The following SRBD1 variants were observed in gnomAD, a reference collection of about 807,000 sequenced individuals.
The protein encoded by SRBD1 is S1 RNA binding domain 1.
SRBD1 carries 88 observed loss-of-function variants against 115.3 expected under a neutral mutation model. The observed-to-expected ratio is 0.76, with a 90% CI of 0.64 to 0.91. The LOEUF is 0.91. Among genes scored for constraint, SRBD1 ranks in the 40% least tolerant of loss-of-function variants. SRBD1 has a pLI of 0.00. For synonymous variants in SRBD1, 509 were observed against 407.7 expected (o/e 1.25, Z -2.99); for missense variants, 1,385 against 1,177.4 (o/e 1.18, Z -2.58).
At chr2:45,554,511 G>T (rs758707461) in intron 10 of SRBD1, among the ~76,000 whole-genome samples, 3 of 152,102 alleles carry the variant, frequency 2.0e-5, no homozygotes, top group Non-Finnish European at 4.4e-5. Context: ...CCATTTCTGA[G>T]AACTTACTCT....
chr2:45,572,321 TAG>T (rs1558486907), intron 9 of SRBD1, among the ~76,000 whole-genome samples: 1 of 152,146 alleles, frequency 6.6e-6, no homozygotes, highest in Non-Finnish European at 1.5e-5. Flanking sequence ...TTAATGGGCA[TAG>T]AGTTTCAGTT....
At chr2:45,474,786 T>C (rs1669756080) in intron 16 of SRBD1, among the ~76,000 whole-genome samples, 1 of 152,214 alleles carries the variant, frequency 6.6e-6, no homozygotes, top group Admixed American at 6.5e-5. Flanking sequence ...TCCTGAGATT[T>C]CCATCCACTA....
At chr2:45,428,302 G>A (rs1668219641) in intron 16 of SRBD1, among the ~76,000 whole-genome samples, 1 of 152,168 alleles carries the variant, frequency 6.6e-6, no homozygotes, top group African/African-American at 2.4e-5. Context: ...TGTAATCCCA[G>A]CACTTTGGGA....
chr2:45,531,840 C>T (rs1458285287), intron 14 of SRBD1, among the ~76,000 whole-genome samples: 1 of 151,812 alleles, frequency 6.6e-6, no homozygotes, highest in Non-Finnish European at 1.5e-5. Context: ...TCCCACTTTA[C>T]AGCTTCTTCT....
intron 9 of SRBD1, among the ~76,000 whole-genome samples, chr2:45,565,658 A>T (rs535303248): frequency 6.6e-6 from 1 of 152,384 alleles, no homozygotes; most frequent in East Asian, 1.9e-4. Flanking sequence ...CTCAAAGAAT[A>T]GTATCAAGAA....
intron 14 of SRBD1, among the ~76,000 whole-genome samples, chr2:45,498,132 TTTTA>T (rs1199212070): frequency 1.3e-5 from 2 of 152,076 alleles, no homozygotes; most frequent in Admixed American, 6.5e-5. Flanking sequence ...CTACTTATAA[TTTTA>T]TTTATATTTC....
intron 14 of SRBD1, among the ~76,000 whole-genome samples, chr2:45,539,098 C>G (rs1324922541): frequency 6.6e-6 from 1 of 151,666 alleles, no homozygotes; most frequent in Non-Finnish European, 1.5e-5. Flanking sequence ...CGGAAAATAG[C>G]AAATTTTACA....
rs367837351 is a variant in SRBD1, at chr2:45,546,687, G to C, written c.1874+45C>G. On this transcript the variant is annotated intron_variant, in intron 14 of 20. Coordinates refer to ENST00000263736, the MANE Select transcript of SRBD1 (RefSeq NM_018079.5). ...GATTCATCACAAAAGCAACTTTAAA[G>C]TTCCCATGCTTCTCCAAGAAAAGAG... 2.2e-5 allele frequency: 35 copies of C among 1,585,318 alleles called. No individual in the cohort carries two copies. In the African/African-American group the frequency reaches 3.9e-4, roughly 18 times the overall value.
At chr2:45,452,237 A>C (rs1478565512) in intron 16 of SRBD1, among the ~76,000 whole-genome samples, 2 of 151,942 alleles carry the variant, frequency 1.3e-5, no homozygotes, top group Non-Finnish European at 2.9e-5. Context: ...TGTTTTGATA[A>C]AAATTTGCCA....
At chr2:45,580,427 G>T (rs181053613) in intron 6 of SRBD1, among the ~76,000 whole-genome samples, 2 of 149,104 alleles carry the variant, frequency 1.3e-5, no homozygotes, top group Non-Finnish European at 3.0e-5. Flanking sequence ...CTCACTGCAA[G>T]CTCTGCCTCC....
At position 45,609,405 on chromosome 2, in the gene SRBD1, C is replaced by T. The variant is rs146999845; in HGVS notation, c.-1+1814G>A. 1.4e-3 allele frequency among the ~76,000 whole-genome samples: 213 copies of T among 152,316 alleles called. 7 individuals carry two copies. The highest frequency in any genetic ancestry group is 0.014 in the Admixed American group (208 of 15,306). On this transcript the variant is annotated intron_variant, in intron 1 of 20. Coordinates refer to ENST00000263736, the MANE Select transcript of SRBD1 (RefSeq NM_018079.5). ...TCAACCTCCCTCACTTGAACTACCA[C>T]ACTCGCCTCTTAACTGCCCTCCCTA...
chr2:45,528,321 A>C (rs1671511974), intron 14 of SRBD1, among the ~76,000 whole-genome samples: 1 of 151,852 alleles, frequency 6.6e-6, no homozygotes, highest in South Asian at 2.1e-4. Flanking sequence ...TCTCAAAAGA[A>C]GAATGGTAAA....
intron 4 of SRBD1, among the ~76,000 whole-genome samples, chr2:45,593,388 C>T (rs1237278400): frequency 6.6e-6 from 1 of 152,108 alleles, no homozygotes; most frequent in Non-Finnish European, 1.5e-5. Context: ...GTGTCAAGGG[C>T]ACAACCAAGT....
chr2:45,414,484 TAC>T (rs138360643), intron 18 of SRBD1, among the ~76,000 whole-genome samples: 18 of 147,866 alleles, frequency 1.2e-4, no homozygotes, highest in Admixed American at 1.1e-3. Flanking sequence ...AGTGTGTGTG[TAC>T]AGTGTGTATA....
At chr2:45,533,254 T>C (rs866176219) in intron 14 of SRBD1, among the ~76,000 whole-genome samples, 7 of 152,036 alleles carry the variant, frequency 4.6e-5, no homozygotes, top group African/African-American at 1.2e-4. Context: ...CACTGCTTAA[T>C]AGAAATACAT....
chr2:45,465,000 TACACACAC>T (rs58288876), intron 16 of SRBD1, among the ~76,000 whole-genome samples: 3,595 of 120,272 alleles, frequency 0.03, 51 homozygotes, highest in African/African-American at 0.042. Context: ...GTTGAGATTG[TACACACAC>T]ACACACACAC....
chr2:45,486,867 T>C (rs540044852), intron 15 of SRBD1, among the ~76,000 whole-genome samples: 6 of 152,260 alleles, frequency 3.9e-5, no homozygotes, highest in South Asian at 2.1e-4. Flanking sequence ...GTTTCACATA[T>C]ACTAAGTGCT....
intron 15 of SRBD1, among the ~76,000 whole-genome samples, chr2:45,483,641 T>C (rs1363058408): frequency 1.3e-5 from 2 of 152,124 alleles, no homozygotes; most frequent in African/African-American, 4.8e-5. Flanking sequence ...CATCCTGTTA[T>C]CTAGCAATAT....
Position 45,398,417 on chromosome 2 carries a change from G to A in SRBD1, c.2514-5288C>T, listed in dbSNP as rs1667206404. Among the ~76,000 whole-genome samples the A allele has an allele frequency of 2.6e-5, 4 of 152,186 alleles. No individual in the cohort carries two copies. In the South Asian group the frequency reaches 8.3e-4, roughly 32 times the overall value. On this transcript the variant is annotated intron_variant, in intron 19 of 20. Transcript: ENST00000263736. ...GATTTCCTGTCATAGATGAAGGAAT[G>A]CAGTTTGTCTTCCAAAGGACTTGGT...
Sources: gnomAD v4.1 joint callset for allele counts (sites outside exome capture counted in the v4.1 genomes callset) on GRCh38, gnomAD v4.1.1 for gene constraint, MANE v1.5 for transcripts, NCBI Gene and HGNC (gene_info 2026-07-23, HGNC 2026-07-21) for gene names.